Variants in JARID2 observed in about 807,000 individuals in gnomAD.
JARID2 encodes jumonji and AT-rich interaction domain containing 2, also known as protein Jumonji.
JARID2 carries 21 observed loss-of-function variants against 125.6 expected under a neutral mutation model. The ratio of observed to expected loss-of-function variants is 0.17; its 90% CI spans 0.12 to 0.24. The LOEUF (loss-of-function observed/expected upper bound fraction) is 0.24. JARID2 is among the 10% of genes least tolerant of loss of function. The probability of loss-of-function intolerance (pLI) is 1.00; values close to 1 mark genes in which losing one functional copy is unlikely to be tolerated. For synonymous variants in JARID2, 736 were observed against 661.6 expected (o/e 1.11, Z -1.73); for missense variants, 1,303 against 1,639.6 (o/e 0.79, Z 3.55).
intron 4 of JARID2, among the ~76,000 whole-genome samples, chr6:15,454,302 A>C (rs115230273): frequency 6.6e-6 from 1 of 152,092 alleles, no homozygotes; most frequent in Non-Finnish European, 1.5e-5. Context: ...TTGGGGGGGA[A>C]ATTTTGACAT....
At chr6:15,504,095 A>T (rs1474391589) in intron 8 of JARID2, among the ~76,000 whole-genome samples, 2 of 152,186 alleles carry the variant, frequency 1.3e-5, no homozygotes, top group African/African-American at 4.8e-5. Flanking sequence ...CACGAGTTCC[A>T]TCAGGTCATA....
chr6:15,255,926 A>G (rs943786091), intron 1 of JARID2, among the ~76,000 whole-genome samples: 1 of 152,152 alleles, frequency 6.6e-6, no homozygotes, highest in Non-Finnish European at 1.5e-5. Context: ...AGTAATGGAC[A>G]AGGTTGGGAA....
chr6:15,465,592 C>T (rs1470982055), intron 4 of JARID2, among the ~76,000 whole-genome samples: 1 of 151,338 alleles, frequency 6.6e-6, no homozygotes, highest in African/African-American at 2.4e-5. Context: ...TTTCTCTCAA[C>T]ATCTTGAGTG....
chr6:15,487,600 C>A, intron 6 of JARID2, 58 bp downstream of exon 6: 1 of 1,395,716 alleles, frequency 7.2e-7, no homozygotes, highest in Non-Finnish European at 9.7e-7. Flanking sequence ...CACTTCACTT[C>A]ACCAAGCTAA....
chr6:15,255,607 A>G (rs912601439), intron 1 of JARID2, among the ~76,000 whole-genome samples: 4 of 151,868 alleles, frequency 2.6e-5, no homozygotes, highest in South Asian at 2.1e-4. Flanking sequence ...TTTTGGTGAG[A>G]GCTTGGTCTG....
chr6:15,460,933 G>T (rs1768416117), intron 4 of JARID2, among the ~76,000 whole-genome samples: 1 of 152,170 alleles, frequency 6.6e-6, no homozygotes, highest in African/African-American at 2.4e-5. Flanking sequence ...TTGAACTCCT[G>T]ACCTCAGGGT....
chr6:15,488,134 GC>G (rs1216850538), intron 6 of JARID2, among the ~76,000 whole-genome samples: 2 of 152,118 alleles, frequency 1.3e-5, no homozygotes, highest in Admixed American at 6.5e-5. Context: ...TCCTGCCCCT[GC>G]CTGTCCTGCG....
intron 5 of JARID2, among the ~76,000 whole-genome samples, chr6:15,476,693 T>C (rs1285318285): frequency 6.6e-6 from 1 of 152,232 alleles, no homozygotes; most frequent in Non-Finnish European, 1.5e-5. Context: ...TCTATTTCAA[T>C]AGCACATCAG....
At chr6:15,453,968 G>A (rs894026267) in intron 4 of JARID2, among the ~76,000 whole-genome samples, 4 of 152,170 alleles carry the variant, frequency 2.6e-5, no homozygotes, top group Middle Eastern at 3.2e-3. Flanking sequence ...TTTCTCCCAG[G>A]TGCTCTTAGT....
chr6:15,516,393 CT>C (rs1214106922), intron 16 of JARID2, among the ~76,000 whole-genome samples: 1 of 152,200 alleles, frequency 6.6e-6, no homozygotes, highest in Admixed American at 6.5e-5. Flanking sequence ...TGGCTGTTTC[CT>C]TTCATCCGGC....
At chr6:15,436,061 G>A (rs1216910122) in intron 3 of JARID2, among the ~76,000 whole-genome samples, 1 of 152,116 alleles carries the variant, frequency 6.6e-6, no homozygotes, top group East Asian at 1.9e-4. Flanking sequence ...CCCCACAGCA[G>A]TCTCTAGGGG....
intron 1 of JARID2, among the ~76,000 whole-genome samples, chr6:15,287,171 C>G (rs970221310): frequency 5.3e-5 from 8 of 151,706 alleles, no homozygotes; most frequent in African/African-American, 1.9e-4. Flanking sequence ...AAAAAAACCC[C>G]TCTTGATCCT....
intron 1 of JARID2, among the ~76,000 whole-genome samples, chr6:15,268,624 T>C (rs1286015721): frequency 6.6e-6 from 1 of 152,190 alleles, no homozygotes; most frequent in East Asian, 1.9e-4. Flanking sequence ...CCTCTGGGAC[T>C]TGAACACAAA....
At chr6:15,247,858 C>G in intron 1 of JARID2, 1 of 985,390 alleles carries the variant, frequency 1.0e-6, no homozygotes, top group Non-Finnish European at 1.2e-6. Context: ...ATCCGCATTG[C>G]AGAGGGCTGG....
In JARID2 at chr6:15,501,272, C is replaced by T. The variant is rs199645405; in HGVS notation, c.2311C>T (p.Arg771Cys). ...CGGCGTGGCCCCCAGGAACGGCTTC[C>T]GCAGCAAGCTCAAGGAGGTGGGCCA... ...IHGVAPRNGF[R>C]SKLKEVGQAQ... Residue 771 changes from arginine to cysteine, a missense_variant, in exon 8 of 18, where the codon CGC becomes TGC. Arg to Cys is a radical substitution (Grantham distance 180). Coordinates refer to ENST00000341776, the MANE Select transcript of JARID2 (RefSeq NM_004973.4). 2.5e-5 allele frequency: 41 copies of T among 1,613,598 alleles called. No homozygotes were observed. The highest frequency in any genetic ancestry group is 1.7e-4 in the Middle Eastern group (1 of 6,060).
At chr6:15,398,064 A>G (rs1221933781) in intron 2 of JARID2, among the ~76,000 whole-genome samples, 1 of 152,216 alleles carries the variant, frequency 6.6e-6, no homozygotes, top group Non-Finnish European at 1.5e-5. Flanking sequence ...CCCAATTCCC[A>G]TTGGAACCTG....
At chr6:15,279,976 G>T (rs9396578) in intron 1 of JARID2, among the ~76,000 whole-genome samples, 22,614 of 151,946 alleles carry the variant, frequency 0.15, 1,858 homozygotes, top group East Asian at 0.27. Context: ...TTTATATTTC[G>T]GGAAATTTCA....
intron 8 of JARID2, among the ~76,000 whole-genome samples, chr6:15,503,794 C>T (rs1770859102): frequency 6.6e-6 from 1 of 152,218 alleles, no homozygotes; most frequent in African/African-American, 2.4e-5. Flanking sequence ...AAACGCACCA[C>T]ATTTCGTGTG....
At chr6:15,324,042 C>T (rs886362293) in intron 1 of JARID2, among the ~76,000 whole-genome samples, 1 of 149,912 alleles carries the variant, frequency 6.7e-6, no homozygotes, top group African/African-American at 2.5e-5. Context: ...ATTAGCCGGG[C>T]GTGGTGGCGG....
Sources: allele counts gnomAD v4.1 joint callset (sites outside exome capture counted in the v4.1 genomes callset), GRCh38; gene constraint gnomAD v4.1.1; transcripts MANE v1.5; gene names NCBI Gene and HGNC (gene_info 2026-07-23, HGNC 2026-07-21).